KIAA1549L: variants seen among roughly 807,000 people sequenced by gnomAD.
The protein encoded by KIAA1549L is UPF0606 protein KIAA1549L.
A neutral mutation model predicts 160.7 loss-of-function variants in KIAA1549L; 88 were observed. That is an observed-to-expected ratio of 0.55 (90% confidence interval 0.46 to 0.65). The LOEUF is 0.65. Among genes scored for constraint, KIAA1549L ranks in the 30% least tolerant of loss-of-function variants. The probability of loss-of-function intolerance (pLI) is 0.00; values close to 1 mark genes in which losing one functional copy is unlikely to be tolerated. For synonymous variants in KIAA1549L, 950 were observed against 976.7 expected (o/e 0.97, Z 0.51); for missense variants, 2,258 against 2,437.5 (o/e 0.93, Z 1.55).
At chr11:33,618,395 C>G in intron 15 of KIAA1549L, 138 bp from the exon 16 acceptor site, 1 of 683,378 alleles carries the variant, frequency 1.5e-6, no homozygotes, top group Non-Finnish European at 2.3e-6. Flanking sequence ...CCCTTATATC[C>G]TGGGAATAAA....
At chr11:33,544,475 G>A (rs2133181257) in intron 2 of KIAA1549L, 139 bp downstream of exon 2, 1 of 934,716 alleles carries the variant, frequency 1.1e-6, no homozygotes, top group Non-Finnish European at 1.6e-6. Flanking sequence ...TCAGGAATGA[G>A]TTAGTAGCCC....
intron 13 of KIAA1549L, among the ~76,000 whole-genome samples, chr11:33,606,111 A>G (rs1211114981): frequency 6.7e-6 from 1 of 149,958 alleles, no homozygotes; most frequent in Non-Finnish European, 1.5e-5. Flanking sequence ...CACTGGGGAA[A>G]CAACCTTCAG....
chr11:33,394,992 G>A (rs750448216), intron 1 of KIAA1549L, among the ~76,000 whole-genome samples: 3 of 152,218 alleles, frequency 2.0e-5, no homozygotes, highest in Non-Finnish European at 4.4e-5. Flanking sequence ...GCTGAAACAC[G>A]TAATCTTAGA....
intron 10 of KIAA1549L, among the ~76,000 whole-genome samples, chr11:33,581,130 C>A (rs1007319722): frequency 2.0e-5 from 3 of 152,220 alleles, no homozygotes; most frequent in African/African-American, 4.8e-5. Flanking sequence ...CGGGCTGGGA[C>A]CCCACTGGGA....
intron 1 of KIAA1549L, among the ~76,000 whole-genome samples, chr11:33,504,827 T>C (rs1853042555): frequency 6.6e-6 from 1 of 152,122 alleles, no homozygotes; most frequent in Non-Finnish European, 1.5e-5. Context: ...AGTGCAGTGG[T>C]GCAATTATGG....
intron 1 of KIAA1549L, among the ~76,000 whole-genome samples, chr11:33,433,396 C>T (rs1851291613): frequency 6.6e-6 from 1 of 152,166 alleles, no homozygotes; most frequent in African/African-American, 2.4e-5. Context: ...AATGAGATAC[C>T]ATCTCATGCC....
At chr11:33,628,338 C>G (rs571433973) in intron 16 of KIAA1549L, among the ~76,000 whole-genome samples, 2,905 of 151,596 alleles carry the variant, frequency 0.019, 126 homozygotes, top group African/African-American at 0.065. Context: ...CCTGGATATC[C>G]TTGTTGACTT....
chr11:33,401,546 G>T (rs776255698), intron 1 of KIAA1549L, among the ~76,000 whole-genome samples: 2 of 151,502 alleles, frequency 1.3e-5, no homozygotes, highest in Non-Finnish European at 2.9e-5. Context: ...TTAAATGTGG[G>T]TGTGCTGTCA....
At chr11:33,660,370 G>A (rs756480093) in intron 19 of KIAA1549L, among the ~76,000 whole-genome samples, 2 of 152,166 alleles carry the variant, frequency 1.3e-5, no homozygotes, top group Non-Finnish European at 2.9e-5. Context: ...AAGGTCAGGA[G>A]TTCGAGACCA....
At chr11:33,462,859 C>T (rs1419776862) in intron 1 of KIAA1549L, among the ~76,000 whole-genome samples, 4 of 151,408 alleles carry the variant, frequency 2.6e-5, no homozygotes, top group South Asian at 4.2e-4. Context: ...TTTTTTGGTA[C>T]GGTCTTCCTC....
chr11:33,422,188 A>G (rs1377872182), intron 1 of KIAA1549L, among the ~76,000 whole-genome samples: 2 of 151,988 alleles, frequency 1.3e-5, no homozygotes, highest in Non-Finnish European at 2.9e-5. Flanking sequence ...GATGCCCAGG[A>G]TCCACACTTT....
chr11:33,624,608 C>G (rs1029696045), intron 16 of KIAA1549L, among the ~76,000 whole-genome samples: 1 of 152,040 alleles, frequency 6.6e-6, no homozygotes, highest in African/African-American at 2.4e-5. Context: ...AAAAAACTAG[C>G]TTTTACATGT....
intron 1 of KIAA1549L, among the ~76,000 whole-genome samples, chr11:33,481,355 G>A (rs1852407977): frequency 6.6e-6 from 1 of 152,044 alleles, no homozygotes; most frequent in South Asian, 2.1e-4. Context: ...TTTTATTTTA[G>A]GCTAGTGGTA....
At chr11:33,388,155 G>T (rs12280218) in intron 1 of KIAA1549L, among the ~76,000 whole-genome samples, 16,714 of 152,192 alleles carry the variant, frequency 0.11, 1,517 homozygotes, top group African/African-American at 0.25. Flanking sequence ...GAGTAATTTA[G>T]AAAGGGAAGA....
intron 13 of KIAA1549L, among the ~76,000 whole-genome samples, chr11:33,601,608 T>G (rs1341778838): frequency 6.6e-6 from 1 of 152,238 alleles, no homozygotes; most frequent in African/African-American, 2.4e-5. Flanking sequence ...ATTCTGTTGA[T>G]ATGGAATATT....
intron 10 of KIAA1549L, among the ~76,000 whole-genome samples, chr11:33,575,761 C>T (rs746472244): frequency 1.3e-5 from 2 of 152,090 alleles, no homozygotes; most frequent in Non-Finnish European, 2.9e-5. Flanking sequence ...ACCAAGTGTG[C>T]TTGAAAAATG....
In KIAA1549L at chr11:33,669,945, C is replaced by T. The variant is rs1019306854; in HGVS notation, c.*1791C>T. On this transcript the variant is annotated 3_prime_UTR_variant, in exon 21 of 21. Transcript: ENST00000658780. ...AAATAAAATGTATTTTTGTAATTCC[C>T]GTGTGTATATATGGTATATTTCTAT... 6.6e-6 allele frequency: 1 copy of T among 152,074 alleles called. No homozygotes were observed. The highest frequency in any genetic ancestry group is 2.4e-5 in the African/African-American group (1 of 41,410). 9.4% of individuals were successfully genotyped at this position (152,074 alleles called of 1,614,324 possible).
chr11:33,526,783 C>T (rs1853622910), intron 1 of KIAA1549L, among the ~76,000 whole-genome samples: 1 of 152,122 alleles, frequency 6.6e-6, no homozygotes, highest in Non-Finnish European at 1.5e-5. Flanking sequence ...AGCTCTCCAG[C>T]AATGGATCCA....
At chr11:33,574,230 G>A (rs779485020) in intron 9 of KIAA1549L, among the ~76,000 whole-genome samples, 2 of 148,388 alleles carry the variant, frequency 1.3e-5, no homozygotes, top group East Asian at 3.9e-4. Context: ...AAGCAAAACC[G>A]TTATTTTAGA....
Sources: allele counts gnomAD v4.1 joint callset (sites outside exome capture counted in the v4.1 genomes callset), GRCh38; gene constraint gnomAD v4.1.1; transcripts MANE v1.5; gene names NCBI Gene and HGNC (gene_info 2026-07-23, HGNC 2026-07-21).